Variants in HPS5 observed in about 807,000 individuals in gnomAD.
HPS5 encodes HPS5 biogenesis of lysosomal organelles complex 2 subunit 2.
A neutral mutation model predicts 128.0 loss-of-function variants in HPS5; 83 were observed. The ratio of observed to expected loss-of-function variants is 0.65; its 90% CI spans 0.54 to 0.78. The LOEUF (loss-of-function observed/expected upper bound fraction) is 0.78, where lower values mean the gene tolerates loss of function less well. HPS5 is among the 30% of genes least tolerant of loss of function. HPS5 has a pLI of 0.00. For missense variants in HPS5, 1,281 were observed against 1,326.2 expected (o/e 0.97, Z 0.53); for synonymous variants, 475 against 470.2 (o/e 1.01, Z -0.13).
At chr11:18,320,608 T>C (rs995266040) in intron 1 of HPS5, among the ~76,000 whole-genome samples, 2 of 152,238 alleles carry the variant, frequency 1.3e-5, no homozygotes, top group African/African-American at 4.8e-5. Context: ...TGAAAAGCAT[T>C]ATCAGGTCTT....
chr11:18,290,545 T>G (rs1860270303), intron 16 of HPS5, among the ~76,000 whole-genome samples: 1 of 152,230 alleles, frequency 6.6e-6, no homozygotes, highest in South Asian at 2.1e-4. Context: ...TTAATACATC[T>G]GCATTTATAA....
At chr11:18,319,247 G>A (rs1864005147) in intron 1 of HPS5, among the ~76,000 whole-genome samples, 2 of 122,104 alleles carry the variant, frequency 1.6e-5, no homozygotes, top group South Asian at 2.5e-4. Flanking sequence ...CGGAGGAAAA[G>A]ACAAATACCA....
chr11:18,306,884 T>C (rs1862435159), intron 6 of HPS5, among the ~76,000 whole-genome samples: 1 of 152,140 alleles, frequency 6.6e-6, no homozygotes, highest in Non-Finnish European at 1.5e-5. Context: ...GTTAGATATA[T>C]AAAAGAGCTT....
intron 2 of HPS5, 109 bp downstream of exon 2, chr11:18,317,642 A>G (rs762458421): frequency 1.2e-5 from 12 of 1,004,274 alleles, no homozygotes; most frequent in Non-Finnish European, 1.8e-5. Flanking sequence ...TATGACTAGG[A>G]CAGGTAAGAA....
At chr11:18,301,849 T>G (rs1861748333) in intron 8 of HPS5, among the ~76,000 whole-genome samples, 1 of 152,142 alleles carries the variant, frequency 6.6e-6, no homozygotes. Flanking sequence ...CCATTCAGCA[T>G]GAAATGTATA....
At position 18,298,964 on chromosome 11, in the gene HPS5, T is replaced by C. The variant is rs1861398811; in HGVS notation, c.992A>G (p.Gln331Arg). ...TTCATTCCTACAGACAGCCACATCC[T>C]GAATATCTACGAAAACCACAGGTGT... ...VLLWSEVKDI[Q>R]DVAVCRNELF... Residue 331 changes from glutamine to arginine, a missense_variant, in exon 10 of 23, where the codon CAG (glutamine) becomes CGG (arginine). Physicochemically the swap from Gln to Arg is conservative, Grantham distance 43 (BLOSUM62 1). Coordinates refer to ENST00000349215, the MANE Select transcript of HPS5 (RefSeq NM_181507.2). 1 of 1,614,136 alleles carries C rather than the reference T, an allele frequency of 6.2e-7. No individual in the cohort carries two copies. The highest frequency in any genetic ancestry group is 8.5e-7 in the Non-Finnish European group (1 of 1,179,964).
intron 21 of HPS5, 91 bp from the exon 22 acceptor site, chr11:18,282,311 C>G: frequency 7.1e-7 from 1 of 1,409,314 alleles, no homozygotes; most frequent in Non-Finnish European, 1.0e-6. Flanking sequence ...TGTTTAATGC[C>G]AAAACGTAAA....
chr11:18,283,193 G>C lies in HPS5; in HGVS notation c.3058+602C>G, dbSNP rs145617728. On this transcript the variant is annotated intron_variant, in intron 21 of 22. Transcript: ENST00000349215. ...ATTTTTGTATTTTTAGTAGAGATGG[G>C]GTTTCACCATGTTGGCCAGGCTGGT... 9.0e-3 allele frequency among the ~76,000 whole-genome samples: 1,371 copies of C among 151,910 alleles called. 13 individuals carry two copies. Among genetic ancestry groups the C allele is most frequent in the African/African-American group, 0.032 (1,317 of 41,406 alleles).
intron 11 of HPS5, 114 bp from the exon 12 acceptor site, chr11:18,297,098 AT>A: frequency 1.3e-6 from 1 of 764,744 alleles, no homozygotes; most frequent in South Asian, 1.6e-5. Flanking sequence ...AACAACCATT[AT>A]GGCTTATTAG....
At chr11:18,292,798 A>G (rs564164837) in intron 15 of HPS5, 101 bp downstream of exon 15, 169 of 882,154 alleles carry the variant, frequency 1.9e-4, no homozygotes, top group Non-Finnish European at 3.0e-4. Flanking sequence ...AATCAACTAT[A>G]TATTTCATAC....
In HPS5 at chr11:18,310,891, A is replaced by G; in HGVS notation, c.327T>C (p.Arg109=). ...ACACATACATTTGTTCCGGTTTCCC[A>G]CGACGCTCTTGATTTAATTCCCAAA... is the stretch of plus-strand genomic sequence containing the variant. ...VVVWELNQER[R]GKPEQMYVSS... is the part of the protein sequence containing the mutation. Residue 109 remains arginine, a synonymous_variant, in exon 5 of 23, where the codon CGT becomes CGC. Transcript: ENST00000349215. The G allele has an allele frequency of 6.2e-7, 1 of 1,614,140 alleles. No homozygotes were observed. The highest frequency in any genetic ancestry group is 1.1e-5 in the South Asian group (1 of 91,080).
intron 16 of HPS5, among the ~76,000 whole-genome samples, chr11:18,289,120 A>G (rs538750783): frequency 1.5e-3 from 226 of 152,350 alleles, no homozygotes; most frequent in African/African-American, 4.9e-3. Context: ...TTATCACATC[A>G]TTAGAAGGGT....
intron 2 of HPS5, among the ~76,000 whole-genome samples, chr11:18,313,912 C>CAA (rs58704871): frequency 0.47 from 52,095 of 110,208 alleles, 12,484 homozygotes; most frequent in Non-Finnish European, 0.58. Flanking sequence ...GACTCCGTCT[C>CAA]AAAAAAAAAA....
chr11:18,298,026 G>C (rs1861280518), intron 10 of HPS5, among the ~76,000 whole-genome samples: 1 of 151,280 alleles, frequency 6.6e-6, no homozygotes, highest in Non-Finnish European at 1.5e-5. Context: ...GTTGCAGTGA[G>C]CTGAGATCAC....
Position 18,295,041 on chromosome 11 carries a change from C to A in HPS5, c.1763G>T (p.Cys588Phe). 1.9e-6 allele frequency: 3 copies of A among 1,614,148 alleles called. No homozygotes were observed. The highest frequency in any genetic ancestry group is 2.5e-6 in the Non-Finnish European group (3 of 1,180,016). The change falls in exon 14 of 23, where the codon TGC becomes TTC. Residue 588 changes from cysteine to phenylalanine, a missense_variant. Coordinates refer to ENST00000349215, the MANE Select transcript of HPS5 (RefSeq NM_181507.2). ...TTACTCAGTGTCTTCCTCCTTTGGGCAGGTATCTGAACTCACATCCTCTTC... is the reference window on the plus strand; with the variant it reads ...TTACTCAGTGTCTTCCTCCTTTGGGAAGGTATCTGAACTCACATCCTCTTC... ...SCEEDVSSDT[C>F]PKEEDTEEEK...
At chr11:18,289,271 A>C (rs942842126) in intron 16 of HPS5, among the ~76,000 whole-genome samples, 22 of 152,182 alleles carry the variant, frequency 1.4e-4, no homozygotes, top group Non-Finnish European at 1.5e-5. Context: ...TCAGAGGAGG[A>C]GGCCATTCAG....
At chr11:18,286,868 C>G in intron 18 of HPS5, 158 bp from the exon 19 acceptor site, 1 of 831,292 alleles carries the variant, frequency 1.2e-6, no homozygotes, top group Admixed American at 2.5e-5. Flanking sequence ...TGCTGGTGAC[C>G]AAGCTCCAAG....
Position 18,279,730 on chromosome 11 carries a change from C to T in HPS5, c.*152G>A, listed in dbSNP as rs189513887. ...GGATAAAGAGTCACAGATGCCGATGCCAAGGGTACAGACACTGACAAAAGT... is the reference window on the plus strand; with the variant it reads ...GGATAAAGAGTCACAGATGCCGATGTCAAGGGTACAGACACTGACAAAAGT... On this transcript the variant is annotated 3_prime_UTR_variant, in exon 23 of 23. Coordinates refer to ENST00000349215, the MANE Select transcript of HPS5 (RefSeq NM_181507.2). The T allele has an allele frequency of 1.1e-5, 8 of 718,440 alleles. No homozygotes were observed. In the East Asian group the frequency reaches 1.9e-4, roughly 17 times the overall value. The allele number at this position is 718,440 out of a possible 1,614,324, so 44.5% of individuals were successfully genotyped here.
chr11:18,281,013 G>C (rs949944780), intron 22 of HPS5, among the ~76,000 whole-genome samples: 1 of 150,796 alleles, frequency 6.6e-6, no homozygotes, highest in Non-Finnish European at 1.5e-5. Context: ...AAATTGTTAA[G>C]ATGATAAATT....
Sources: allele counts gnomAD v4.1 joint callset (sites outside exome capture counted in the v4.1 genomes callset), GRCh38; gene constraint gnomAD v4.1.1; transcripts MANE v1.5; gene names NCBI Gene and HGNC (gene_info 2026-07-23, HGNC 2026-07-21).